The following DLL1 variants were observed in gnomAD, a reference collection of about 807,000 sequenced individuals.
DLL1 encodes the protein delta like canonical Notch ligand 1, also known as delta-like protein 1.
Under a neutral mutation model 75.1 loss-of-function variants are expected in DLL1, and 9 were observed. The observed-to-expected ratio is 0.12, with a 90% CI of 0.07 to 0.21. DLL1 has a LOEUF of 0.21. Among genes scored for constraint, DLL1 ranks in the 10% least tolerant of loss-of-function variants. The pLI is 1.00. For missense variants in DLL1, 837 were observed against 1,007.6 expected, an observed-to-expected ratio of 0.83 and a Z score of 2.29; for synonymous variants, 477 against 418.3, an observed-to-expected ratio of 1.14 and a Z score of -1.71.
At position 170,288,472 on chromosome 6, in the gene DLL1, C is replaced by T; in HGVS notation, c.437G>A (p.Arg146His). The T allele has an allele frequency of 6.2e-7, 1 of 1,614,074 alleles. No individual in the cohort carries two copies. Among genetic ancestry groups the T allele is most frequent in the Non-Finnish European group, 8.5e-7 (1 of 1,180,046 alleles). The part of the protein sequence containing the change: ...ATENPERLIS[R>H]LATQRHLTVG... ...CGTCAGGTGCCTCTGGGTGGCCAGG[C>T]GGCTGATGAGTCTTTCTGGGTTTTC... The change falls in exon 4 of 11, where the codon CGC becomes CAC. Residue 146 changes from arginine to histidine, a missense_variant. Around this residue, in one of 2 missense-constraint regions of DLL1, gnomAD observed 304 missense variants for 461.9 expected, o/e 0.66. Coordinates refer to ENST00000366756, the MANE Select transcript of DLL1 (RefSeq NM_005618.4).
chr6:170,285,731 T>C lies in DLL1; in HGVS notation c.732-32A>G, dbSNP rs2255020. On this transcript the variant is annotated intron_variant, in intron 5 of 10. Transcript: ENST00000366756. ...GAAAAGCAGAAGACTCAGATGGACG[T>C]TGACTGTTGCTGGCTTTGCAGTGGA... 1,566,507 of 1,613,870 alleles carry C rather than the reference T, an allele frequency of 0.97. 760,396 individuals are homozygous for C. Among genetic ancestry groups the C allele is most frequent in the East Asian group, 1 (44,874 of 44,878 alleles).
chr6:170,290,189 G>T lies in DLL1; in HGVS notation c.-50C>A. On this transcript the variant is annotated 5_prime_UTR_variant, in exon 1 of 11. Coordinates refer to ENST00000366756, the MANE Select transcript of DLL1 (RefSeq NM_005618.4). The surrounding 1 kb of genome is among the most constrained non-coding windows in gnomAD (Gnocchi z 4.7). ...TGGGGGGCCCCCACTTCTCTCCTTA[G>T]AACAGCGGCGGACGCGCGGGGGATC... 6.4e-7 allele frequency: 1 copy of T among 1,573,948 alleles called. No homozygotes were observed. Among genetic ancestry groups the T allele is most frequent in the East Asian group, 2.3e-5 (1 of 42,814 alleles).
chr6:170,288,915 T>A, intron 2 of DLL1, 126 bp from the exon 3 acceptor site: 1 of 1,049,830 alleles, frequency 9.5e-7, no homozygotes, highest in Admixed American at 1.8e-5. Context: ...TGGGGCAGCG[T>A]GTCTGGAGAG....
rs182359619 is a variant in DLL1, at chr6:170,287,284, C to G, written c.670+955G>C. Among the ~76,000 whole-genome samples, 474 of 152,280 alleles carry G rather than the reference C, an allele frequency of 3.1e-3. 1 individual carries two copies. The highest frequency in any genetic ancestry group is 8.5e-3 in the South Asian group (41 of 4,824). On this transcript the variant is annotated intron_variant, in intron 4 of 10. Coordinates refer to ENST00000366756, the MANE Select transcript of DLL1 (RefSeq NM_005618.4). ...ACCCCAGGCACTACCCAGCTCCTGC[C>G]AGAGGTTCTGGGCCTCCCAGAGCCC... is the stretch of plus-strand genomic sequence containing the variant.
intron 2 of DLL1, 89 bp downstream of exon 2, chr6:170,289,423 G>T (rs1352565189): frequency 6.6e-7 from 1 of 1,506,940 alleles, no homozygotes; most frequent in African/African-American, 1.4e-5. Context: ...CCGAGGTCCC[G>T]CCACCGAGCG....
At chr6:170,288,199 C>G (rs1332934897) in intron 4 of DLL1, 40 bp downstream of exon 4, 1 of 1,613,372 alleles carries the variant, frequency 6.2e-7, no homozygotes, top group Admixed American at 1.7e-5. Context: ...GGTCCGTGTT[C>G]GTGGACGAGT....
In DLL1 at chr6:170,285,712, C is replaced by G. The variant is rs757868101; in HGVS notation, c.732-13G>C. The G allele has an allele frequency of 6.2e-7, 1 of 1,614,128 alleles. No individual in the cohort carries two copies. The highest frequency in any genetic ancestry group is 8.5e-7 in the Non-Finnish European group (1 of 1,180,050). On this transcript the variant is annotated splice_polypyrimidine_tract_variant and intron_variant, in intron 5 of 10. Transcript: ENST00000366756. ...GCCCACTCTGCACCTTGGAGAAAAG[C>G]AGAAGACTCAGATGGACGTTGACTG... is the stretch of plus-strand genomic sequence containing the variant.
chr6:170,285,336 C>T lies in DLL1; in HGVS notation c.950G>A (p.Arg317Gln), dbSNP rs200280225. The change falls in exon 7 of 11, where the codon CGG (arginine) becomes CAG (glutamine). Residue 317 changes from arginine (R) to glutamine (Q), a missense_variant. Physicochemically the swap from Arg to Gln is conservative, Grantham distance 43 (BLOSUM62 1). Transcript: ENST00000366756. ...TGQGSYTCSCRPGYTGATCEL... is the reference protein window; with the variant it reads ...TGQGSYTCSCQPGYTGATCEL... The stretch of plus-strand genomic sequence containing the variant: ...GCAGGTGGCACCTGTGTACCCAGGC[C>T]GGCAAGAGCAAGTGTAGCTCCCCTG... The T allele has an allele frequency of 5.1e-4, 831 of 1,614,140 alleles. 7 individuals carry two copies. The South Asian group carries it at 8.1e-3, about 16-fold the overall frequency.
Position 170,285,308 on chromosome 6 carries a change from C to T in DLL1, c.978G>A (p.Glu326=), listed in dbSNP as rs769493973. The T allele has an allele frequency of 9.3e-6, 15 of 1,614,064 alleles. No homozygotes were observed. In the South Asian group the frequency reaches 1.2e-4, roughly 13 times the overall value. The change falls in exon 7 of 11, where the codon GAG becomes GAA. Residue 326 remains glutamate, a synonymous_variant. Coordinates refer to ENST00000366756, the MANE Select transcript of DLL1 (RefSeq NM_005618.4). ...CRPGYTGATC[E]LGIDECDPSP... Reference sequence around the variant, plus strand: ...TGGGGTCACACTCGTCAATCCCCAGCTCGCAGGTGGCACCTGTGTACCCAG... The same window carrying T: ...TGGGGTCACACTCGTCAATCCCCAGTTCGCAGGTGGCACCTGTGTACCCAG...
intron 4 of DLL1, among the ~76,000 whole-genome samples, chr6:170,287,416 A>G (rs1046452899): frequency 1.3e-5 from 2 of 152,238 alleles, no homozygotes; most frequent in South Asian, 2.1e-4. Flanking sequence ...TCCGGTACCA[A>G]TGGGCTGGGA....
In DLL1 at chr6:170,283,045, C is replaced by G. The variant is rs1783596072; in HGVS notation, c.2109G>C (p.Lys703Asn). The change falls in exon 10 of 11, where the codon AAG becomes AAC. Residue 703 changes from lysine (K) to asparagine (N), a missense_variant. Physicochemically the swap from Lys to Asn is moderately conservative, Grantham distance 94 (BLOSUM62 0). Transcript: ENST00000366756. ...DSGCSTSKDTKYQSVYVISEE... is the reference protein window; with the variant it reads ...DSGCSTSKDTNYQSVYVISEE... ...CGGATATGACGTACACCGACTGGTACTTGGTGTCTTTTGAAGTTGAACAGC... is the reference window on the plus strand; with the variant it reads ...CGGATATGACGTACACCGACTGGTAGTTGGTGTCTTTTGAAGTTGAACAGC... 1 of 1,614,032 alleles carries G rather than the reference C, an allele frequency of 6.2e-7. No homozygotes were observed. The highest frequency in any genetic ancestry group is 1.7e-5 in the Admixed American group (1 of 60,012).
chr6:170,282,855 T>C lies in DLL1; in HGVS notation c.*19A>G. ...ACTTATTTTAAGAGAAACGGGAGTC[T>C]TGCCATCTCACTTCCATTTTACACC... On this transcript the variant is annotated 3_prime_UTR_variant, in exon 11 of 11. Coordinates refer to ENST00000366756, the MANE Select transcript of DLL1 (RefSeq NM_005618.4). The C allele has an allele frequency of 6.2e-7, 1 of 1,614,170 alleles. No homozygotes were observed. Among genetic ancestry groups the C allele is most frequent in the South Asian group, 1.1e-5 (1 of 91,082 alleles).
chr6:170,283,656 C>T lies in DLL1; in HGVS notation c.1623G>A (p.Gly541=). The part of the protein sequence containing the change: ...DLTEKLEGQG[G]PFPWVAVCAG... ...CGCACACGGCCACCCAGGGGAATGG[C>T]CCGCCCTGGCCCTCTAGCTTCTCAG... The change falls in exon 9 of 11, where the codon GGG becomes GGA. Residue 541 remains glycine (G), a synonymous_variant. Transcript: ENST00000366756. The T allele has an allele frequency of 1.9e-6, 3 of 1,588,088 alleles. No homozygotes were observed. The highest frequency in any genetic ancestry group is 2.6e-6 in the Non-Finnish European group (3 of 1,166,720).
Position 170,283,072 on chromosome 6 carries a change from C to G in DLL1, c.2082G>C (p.Ser694=), listed in dbSNP as rs753162814. 1 of 1,614,050 alleles carries G rather than the reference C, an allele frequency of 6.2e-7. No individual in the cohort carries two copies. Among genetic ancestry groups the G allele is most frequent in the Admixed American group, 1.7e-5 (1 of 60,028 alleles). Residue 694 remains serine, a synonymous_variant, in exon 10 of 11, where the codon TCG becomes TCC. Coordinates refer to ENST00000366756, the MANE Select transcript of DLL1 (RefSeq NM_005618.4). ...GEASERKRPD[S]GCSTSKDTKY... is the part of the protein sequence containing the mutation. ...TGGTGTCTTTTGAAGTTGAACAGCC[C>G]GAGTCCGGCCTTTTTCTTTCAGATG...
chr6:170,285,522 A>G lies in DLL1; in HGVS notation c.862+47T>C, dbSNP rs758631274. 8 of 1,614,200 alleles carry G rather than the reference A, an allele frequency of 5.0e-6. No individual in the cohort carries two copies. The South Asian group carries it at 8.8e-5, about 18-fold the overall frequency. On this transcript the variant is annotated intron_variant, in intron 6 of 10. Coordinates refer to ENST00000366756, the MANE Select transcript of DLL1 (RefSeq NM_005618.4). ...AGTGATCAAACAGCCAGGGAAGTCC[A>G]GGGCTGCTCTGGAGGGAGCAGGCTG...
intron 1 of DLL1, 132 bp downstream of exon 1, chr6:170,289,954 C>T (rs1783815133): frequency 7.5e-7 from 1 of 1,326,734 alleles, no homozygotes; most frequent in Non-Finnish European, 9.7e-7. Context: ...GTCGTCGCCC[C>T]CGGGATTCAT....
intron 2 of DLL1, 80 bp from the exon 3 acceptor site, chr6:170,288,869 GC>G: frequency 6.6e-7 from 1 of 1,519,216 alleles, no homozygotes. Flanking sequence ...ATTCCTAACA[GC>G]CAGGTCAGCA....
At chr6:170,287,174 G>A (rs1156511295) in intron 4 of DLL1, among the ~76,000 whole-genome samples, 1 of 152,198 alleles carries the variant, frequency 6.6e-6, no homozygotes. Flanking sequence ...AAGCTTAGAA[G>A]GAGCTCAGTA....
chr6:170,287,036 G>A (rs900077045), intron 4 of DLL1, among the ~76,000 whole-genome samples: 3 of 152,234 alleles, frequency 2.0e-5, no homozygotes, highest in Non-Finnish European at 4.4e-5. Context: ...CGCAGGGCAG[G>A]GAGTAGACAG....
Sources: gnomAD v4.1 joint callset for allele counts (sites outside exome capture counted in the v4.1 genomes callset) on GRCh38, gnomAD v4.1.1 for gene constraint, gnomAD v4.1.1 regional missense constraint, Gnocchi (gnomAD v3.1) non-coding constraint, MANE v1.5 for transcripts, NCBI Gene and HGNC (gene_info 2026-07-23, HGNC 2026-07-21) for gene names.